The following SSUH2 variants were observed in gnomAD, a reference collection of about 807,000 sequenced individuals.
The protein encoded by SSUH2 is protein SSUH2 homolog.
Under a neutral mutation model 55.3 loss-of-function variants are expected in SSUH2, and 47 were observed. That is an observed-to-expected ratio of 0.85 (90% CI 0.67 to 1.08). The LOEUF (loss-of-function observed/expected upper bound fraction) is 1.08, where lower values mean the gene tolerates loss of function less well. Among genes scored for constraint, SSUH2 ranks in the 50% least tolerant of loss-of-function variants. SSUH2 has a pLI of 0.00. For synonymous variants in SSUH2, 212 were observed against 191.5 expected, an observed-to-expected ratio of 1.11 and a Z score of -0.89; for missense variants, 535 against 490.7, an observed-to-expected ratio of 1.09 and a Z score of -0.85.
intron 3 of SSUH2, 100 bp downstream of exon 3, chr3:8,635,200 C>G: frequency 1.0e-6 from 1 of 993,922 alleles, no homozygotes; most frequent in Non-Finnish European, 1.5e-6. Context: ...TGCAGACGGC[C>G]CCCTCCAGGG....
At chr3:8,661,002 G>A (rs563543203) in intron 6 of SSUH2, among the ~76,000 whole-genome samples, 12 of 152,304 alleles carry the variant, frequency 7.9e-5, no homozygotes, top group Admixed American at 7.2e-4. Flanking sequence ...GGATGTGAAG[G>A]GTAAAGGGTG....
chr3:8,679,463 G>GCA (rs1559573549), intron 2 of SSUH2, among the ~76,000 whole-genome samples: 2 of 133,860 alleles, frequency 1.5e-5, no homozygotes, highest in African/African-American at 2.7e-5. Flanking sequence ...GGCACCCCCC[G>GCA]GGAGGCGGGG....
intron 4 of SSUH2, 137 bp downstream of exon 4, chr3:8,633,529 C>A: frequency 1.6e-6 from 1 of 608,862 alleles, no homozygotes; most frequent in Admixed American, 3.5e-5. Context: ...TTCAACATCA[C>A]CACCGCTCAC....
At chr3:8,679,004 A>G (rs1339240626) in intron 2 of SSUH2, among the ~76,000 whole-genome samples, 1 of 106,006 alleles carries the variant, frequency 9.4e-6, no homozygotes. Context: ...GTGGGGACTG[A>G]GAGCCAGCCC....
chr3:8,642,549 T>C (rs1260220172), intron 1 of SSUH2, among the ~76,000 whole-genome samples: 1 of 152,232 alleles, frequency 6.6e-6, no homozygotes, highest in East Asian at 1.9e-4. Context: ...AGGGATGCTG[T>C]AGACAGCCAG....
chr3:8,652,798 C>T (rs139409072), intron 7 of SSUH2, among the ~76,000 whole-genome samples: 2 of 152,320 alleles, frequency 1.3e-5, no homozygotes, highest in East Asian at 3.9e-4. Flanking sequence ...GATGCCCCCT[C>T]CTCTAGGAAG....
In SSUH2 at chr3:8,635,336, T is replaced by A. The variant is rs1273150002; in HGVS notation, c.173A>T (p.Gln58Leu). The change falls in exon 3 of 12, where the codon CAG (glutamine) becomes CTG (leucine). Residue 58 changes from glutamine (Q) to leucine (L), a missense_variant. By Grantham distance (113) the Gln-to-Leu change is moderately radical (BLOSUM62 -2). Transcript: ENST00000544814. The part of the protein sequence containing the change: ...FPPLEAPGRP[Q>L]EQRSWPSFLE... ...GAACGAGGGCCAGGACCTTTGCTCCTGGGGCCTCCCTGGGGCCTCCAAAGG... is the reference window on the plus strand; with the variant it reads ...GAACGAGGGCCAGGACCTTTGCTCCAGGGGCCTCCCTGGGGCCTCCAAAGG... The A allele has an allele frequency of 2.0e-6, 3 of 1,535,980 alleles. No homozygotes were observed. Among genetic ancestry groups the A allele is most frequent in the Non-Finnish European group, 2.6e-6 (3 of 1,146,810 alleles).
intron 5 of SSUH2, 36 bp downstream of exon 5, chr3:8,632,013 G>T: frequency 1.9e-6 from 3 of 1,554,198 alleles, no homozygotes; most frequent in East Asian, 2.2e-5. Context: ...TGACTTATTT[G>T]CCCCCAGTTA....
intron 1 of SSUH2, among the ~76,000 whole-genome samples, chr3:8,642,961 A>G (rs933215527): frequency 5.3e-5 from 8 of 152,168 alleles, no homozygotes; most frequent in African/African-American, 1.9e-4. Flanking sequence ...TGAGACCAGC[A>G]CTCAGGACAA....
intron 3 of SSUH2, among the ~76,000 whole-genome samples, chr3:8,673,837 C>T (rs548904687): frequency 8.5e-5 from 13 of 152,218 alleles, no homozygotes; most frequent in Admixed American, 2.0e-4. Flanking sequence ...GCATTAAAGA[C>T]GGGAGCTCAA....
chr3:8,645,467 T>C (rs973722071), upstream of SSUH2, among the ~76,000 whole-genome samples: 2 of 152,178 alleles, frequency 1.3e-5, no homozygotes, highest in African/African-American at 4.8e-5. Context: ...CCATTGGAGT[T>C]TGACACCCCT....
chr3:8,634,652 A>G (rs1375201004), intron 3 of SSUH2: 16 of 1,193,764 alleles, frequency 1.3e-5, no homozygotes, highest in Non-Finnish European at 1.8e-5. Context: ...CTTCCTAAGC[A>G]TGGAAAGTGG....
At chr3:8,629,546 T>C in intron 7 of SSUH2, 118 bp downstream of exon 7, 2 of 832,982 alleles carry the variant, frequency 2.4e-6, no homozygotes, top group South Asian at 3.3e-5. Flanking sequence ...GAGGATGACT[T>C]GGCTGAGATG....
At chr3:8,627,924 G>A (rs943426698) in intron 7 of SSUH2, 141 bp from the exon 8 acceptor site, 8 of 560,196 alleles carry the variant, frequency 1.4e-5, no homozygotes, top group Non-Finnish European at 2.1e-5. Flanking sequence ...ATGGTGCGGG[G>A]TGGAGATGGG....
intron 7 of SSUH2, among the ~76,000 whole-genome samples, chr3:8,649,978 T>C (rs1423177080): frequency 6.6e-6 from 1 of 152,038 alleles, no homozygotes; most frequent in Non-Finnish European, 1.5e-5. Context: ...CTTCAACCCT[T>C]TCCTCCAGCC....
intron 1 of SSUH2, among the ~76,000 whole-genome samples, chr3:8,680,151 G>C (rs1246618531): frequency 2.6e-5 from 4 of 152,306 alleles, no homozygotes; most frequent in Non-Finnish European, 4.4e-5. Context: ...GCCGAGGCCG[G>C]TGGCCTACGT....
intron 6 of SSUH2, 115 bp downstream of exon 6, chr3:8,630,690 A>C (rs1012005159): frequency 2.5e-5 from 24 of 974,466 alleles, no homozygotes; most frequent in Non-Finnish European, 3.2e-5. Flanking sequence ...CAAATGAAGC[A>C]CCGGCCTGAA....
chr3:8,628,439 A>T (rs927523899), intron 7 of SSUH2, among the ~76,000 whole-genome samples: 1 of 152,206 alleles, frequency 6.6e-6, no homozygotes, highest in African/African-American at 2.4e-5. Context: ...TAATGCCATG[A>T]GTAATGCCAC....
intron 8 of SSUH2, among the ~76,000 whole-genome samples, chr3:8,626,537 G>GCCCCCCCCCCCCCCCCC (rs58662232): frequency 1.9e-5 from 2 of 107,652 alleles, no homozygotes. Flanking sequence ...TCTAGGGCCT[G>GCCCCCCCCCCCCCCCCC]CCCCCCCCCC....
Sources: gnomAD v4.1 joint callset for allele counts (sites outside exome capture counted in the v4.1 genomes callset) on GRCh38, gnomAD v4.1.1 for gene constraint, MANE v1.5 for transcripts, NCBI Gene and HGNC (gene_info 2026-07-23, HGNC 2026-07-21) for gene names.